COG6: variants seen among roughly 807,000 people sequenced by gnomAD.
The protein encoded by COG6 is conserved oligomeric Golgi complex subunit 6.
Under a neutral mutation model 88.8 loss-of-function variants are expected in COG6, and 74 were observed. The observed-to-expected ratio is 0.83, with a 90% CI of 0.69 to 1.01. The LOEUF (loss-of-function observed/expected upper bound fraction) is 1.01. Ranked by LOEUF, COG6 falls within the 50% of genes least tolerant of loss-of-function variation. The probability of loss-of-function intolerance (pLI) is 0.00; values close to 1 mark genes in which losing one functional copy is unlikely to be tolerated. For missense variants in COG6, 800 were observed against 797.9 expected (o/e 1.00, Z -0.03); for synonymous variants, 286 against 278.7 (o/e 1.03, Z -0.26).
chr13:39,743,951 A>T (rs888788275), intron 18 of COG6, among the ~76,000 whole-genome samples: 1 of 152,184 alleles, frequency 6.6e-6, no homozygotes. Context: ...GGTTTAACCT[A>T]TGCAAATCAA....
intron 13 of COG6, among the ~76,000 whole-genome samples, chr13:39,708,546 A>G (rs1878066412): frequency 6.6e-6 from 1 of 151,962 alleles, no homozygotes; most frequent in Admixed American, 6.6e-5. Flanking sequence ...ATCCATCTCA[A>G]ATTTTTGAGT....
intron 15 of COG6, among the ~76,000 whole-genome samples, chr13:39,720,556 TTTAAA>T (rs1878797774): frequency 6.6e-6 from 1 of 152,086 alleles, no homozygotes; most frequent in African/African-American, 2.4e-5. Context: ...AATTTTTTCT[TTTAAA>T]ATAAATGTAT....
At chr13:39,715,917 C>T (rs1878503020) in intron 13 of COG6, among the ~76,000 whole-genome samples, 2 of 151,974 alleles carry the variant, frequency 1.3e-5, no homozygotes, top group South Asian at 4.1e-4. Flanking sequence ...TTGGAAATAA[C>T]ATTAGTTAAC....
chr13:39,732,185 C>G (rs1380626237), intron 18 of COG6, among the ~76,000 whole-genome samples: 1 of 152,160 alleles, frequency 6.6e-6, no homozygotes, highest in African/African-American at 2.4e-5. Flanking sequence ...CTAGGTATCC[C>G]TTATCCAGTC....
chr13:39,701,321 G>A (rs1263151915), intron 13 of COG6, among the ~76,000 whole-genome samples: 1 of 151,796 alleles, frequency 6.6e-6, no homozygotes, highest in Non-Finnish European at 1.5e-5. Flanking sequence ...TTGAGTTTGA[G>A]GTGCCTATGA....
At chr13:39,760,919 C>T (rs919767652) in intron 18 of COG6, among the ~76,000 whole-genome samples, 1 of 151,852 alleles carries the variant, frequency 6.6e-6, no homozygotes, top group Non-Finnish European at 1.5e-5. Flanking sequence ...TATAGAAAGT[C>T]TCAATATATG....
chr13:39,751,141 G>A lies in COG6; in HGVS notation c.*48G>A, dbSNP rs938798104. On this transcript the variant is annotated 3_prime_UTR_variant, in exon 19 of 19. Transcript: ENST00000455146. ...CAAAATATGACCTCCCTAAAACACT[G>A]AAGGTTATTTTTTATTCTTTGAATT... 17 of 1,606,006 alleles carry A rather than the reference G, an allele frequency of 1.1e-5. No individual in the cohort carries two copies. Among genetic ancestry groups the A allele is most frequent in the Non-Finnish European group, 1.4e-5 (17 of 1,175,304 alleles).
intron 18 of COG6, 40 bp downstream of exon 18, chr13:39,727,588 A>G: frequency 7.6e-7 from 1 of 1,321,684 alleles, no homozygotes; most frequent in South Asian, 1.2e-5. Flanking sequence ...AAAGATTCAC[A>G]TATTTTTAAA....
At chr13:39,702,433 A>C (rs530535929) in intron 13 of COG6, among the ~76,000 whole-genome samples, 2 of 152,172 alleles carry the variant, frequency 1.3e-5, no homozygotes, top group Admixed American at 6.6e-5. Context: ...AGAATGGTTT[A>C]TTACATGAAT....
intron 10 of COG6, among the ~76,000 whole-genome samples, chr13:39,689,164 G>A (rs1029119131): frequency 2.6e-5 from 4 of 152,186 alleles, no homozygotes; most frequent in African/African-American, 9.7e-5. Flanking sequence ...TAAATAGACT[G>A]TAGTTAGTTG....
intron 8 of COG6, among the ~76,000 whole-genome samples, chr13:39,686,603 G>T (rs771960844): frequency 1.3e-5 from 2 of 152,168 alleles, no homozygotes; most frequent in Non-Finnish European, 2.9e-5. Context: ...TCTAATATTG[G>T]AGTCAAAATA....
chr13:39,687,126 A>G (rs1234645822), intron 8 of COG6, among the ~76,000 whole-genome samples: 1 of 152,106 alleles, frequency 6.6e-6, no homozygotes, highest in African/African-American at 2.4e-5. Flanking sequence ...AAATATGTAT[A>G]CTGAAATATA....
intron 8 of COG6, among the ~76,000 whole-genome samples, chr13:39,687,003 G>T (rs886804412): frequency 2.0e-5 from 3 of 151,916 alleles, no homozygotes; most frequent in Non-Finnish European, 4.4e-5. Flanking sequence ...TGCTAGGATT[G>T]CAGGTGTGAA....
At chr13:39,743,938 G>T (rs1880192283) in intron 18 of COG6, among the ~76,000 whole-genome samples, 1 of 151,732 alleles carries the variant, frequency 6.6e-6, no homozygotes, top group African/African-American at 2.4e-5. Flanking sequence ...GGGATGCAAG[G>T]CTGGTTTAAC....
At chr13:39,773,415 T>G (rs1445171839) in intron 18 of COG6, among the ~76,000 whole-genome samples, 1 of 152,220 alleles carries the variant, frequency 6.6e-6, no homozygotes, top group African/African-American at 2.4e-5. Context: ...CATTTTTACA[T>G]TTTTCCACTA....
intron 18 of COG6, among the ~76,000 whole-genome samples, chr13:39,758,031 C>T (rs2138159700): frequency 6.6e-6 from 1 of 151,986 alleles, no homozygotes; most frequent in East Asian, 1.9e-4. Context: ...ACCATCCTGT[C>T]CAACATGGTG....
chr13:39,690,041 C>T (rs1438816920), intron 11 of COG6, among the ~76,000 whole-genome samples: 4 of 151,524 alleles, frequency 2.6e-5, no homozygotes, highest in Non-Finnish European at 5.9e-5. Flanking sequence ...CATATATTGA[C>T]CTATTTTTTA....
intron 13 of COG6, among the ~76,000 whole-genome samples, chr13:39,708,090 G>GT (rs1878040142): frequency 6.6e-6 from 1 of 152,074 alleles, no homozygotes; most frequent in African/African-American, 2.4e-5. Flanking sequence ...GTGTGTGGTG[G>GT]TATTTCATTT....
intron 13 of COG6, among the ~76,000 whole-genome samples, chr13:39,716,968 C>T (rs187028256): frequency 5.3e-5 from 8 of 152,198 alleles, no homozygotes; most frequent in East Asian, 3.9e-4. Flanking sequence ...TTATGTGGAT[C>T]GAGTTACTTT....
Sources: gnomAD v4.1 joint callset for allele counts (sites outside exome capture counted in the v4.1 genomes callset) on GRCh38, gnomAD v4.1.1 for gene constraint, MANE v1.5 for transcripts, NCBI Gene and HGNC (gene_info 2026-07-23, HGNC 2026-07-21) for gene names.